The following MTMR4 variants were observed in gnomAD, a reference collection of about 807,000 sequenced individuals.
MTMR4 encodes the protein myotubularin related protein 4.
In MTMR4, 30 loss-of-function variants were observed where a neutral mutation model predicts 125.5. The observed-to-expected ratio is 0.24, with a 90% CI of 0.18 to 0.32. The LOEUF (loss-of-function observed/expected upper bound fraction) is 0.32, where lower values mean the gene tolerates loss of function less well. Among genes scored for constraint, MTMR4 ranks in the 10% least tolerant of loss-of-function variants. MTMR4 has a pLI of 1.00. For missense variants in MTMR4, 1,039 were observed against 1,511.5 expected (o/e 0.69, Z 5.18); for synonymous variants, 498 against 564.5 (o/e 0.88, Z 1.67).
At chr17:58,493,516 C>A (rs1356834921) in intron 15 of MTMR4, among the ~76,000 whole-genome samples, 1 of 152,192 alleles carries the variant, frequency 6.6e-6, no homozygotes, top group East Asian at 1.9e-4. Flanking sequence ...CCATGTCCAG[C>A]TAATTTTTTG....
In MTMR4 at chr17:58,496,280, C is replaced by T. The variant is rs61740436; in HGVS notation, c.1904G>A (p.Ser635Asn). The change falls in exon 15 of 18, where the codon AGC becomes AAC. Residue 635 changes from serine to asparagine, a missense_variant. Around this residue, in one of 6 missense-constraint regions of MTMR4, gnomAD observed 619 missense variants for 714.5 expected, o/e 0.87. Transcript: ENST00000682306. Reference protein sequence around the residue: ...MDDLLSACDTSSPLTRTSSDP... With the variant: ...MDDLLSACDTNSPLTRTSSDP... The stretch of plus-strand genomic sequence containing the variant: ...ACTGGATGTACGAGTCAGGGGGCTG[C>T]TTGTGTCACAGGCAGAAAGAAGATC... The T allele has an allele frequency of 1.8e-4, 293 of 1,613,220 alleles. 1 individual carries two copies. The African/African-American group carries it at 3.2e-3, about 18-fold the overall frequency.
At chr17:58,509,610 G>A (rs1975873043) in intron 4 of MTMR4, among the ~76,000 whole-genome samples, 1 of 151,578 alleles carries the variant, frequency 6.6e-6, no homozygotes, top group African/African-American at 2.4e-5. Context: ...CATAGAGACA[G>A]GGTCTCTCTA....
intron 9 of MTMR4, among the ~76,000 whole-genome samples, chr17:58,506,116 T>C (rs1472436952): frequency 6.6e-6 from 1 of 152,238 alleles, no homozygotes; most frequent in African/African-American, 2.4e-5. Flanking sequence ...TAGCAGTACT[T>C]AGAAAGACAA....
chr17:58,494,988 T>C lies in MTMR4; in HGVS notation c.3196A>G (p.Ile1066Val). The stretch of plus-strand genomic sequence containing the variant: ...GCTGGAGGGGCACAGCAGTGACGGA[T>C]GTCCAGCCTCATCTGAAGCTCACGC... ...QVRELQMRLD[I>V]RHCCAPPAEP... The change falls in exon 15 of 18, where the codon ATC becomes GTC. Residue 1066 changes from isoleucine (I) to valine (V), a missense_variant. Ile to Val is a conservative substitution (Grantham distance 29, BLOSUM62 3). Around this residue, in one of 6 missense-constraint regions of MTMR4, gnomAD observed 619 missense variants for 714.5 expected, o/e 0.87. Transcript: ENST00000682306. 3 of 1,614,216 alleles carry C rather than the reference T, an allele frequency of 1.9e-6. No homozygotes were observed. Among genetic ancestry groups the C allele is most frequent in the Non-Finnish European group, 2.5e-6 (3 of 1,180,032 alleles).
Position 58,495,920 on chromosome 17 carries a change from A to C in MTMR4, c.2264T>G (p.Leu755Arg). ...PAPDPSAQDE[L>R]GRTLDGIGEP... is the part of the protein sequence containing the mutation. The stretch of plus-strand genomic sequence containing the variant: ...CCCTATGCCATCTAAAGTCCTACCC[A>C]GCTCATCCTGGGCAGAAGGGTCTGG... Residue 755 changes from leucine to arginine, a missense_variant, in exon 15 of 18, where the codon CTG becomes CGG. Transcript: ENST00000682306. 6.2e-7 allele frequency: 1 copy of C among 1,614,158 alleles called. No homozygotes were observed. The highest frequency in any genetic ancestry group is 8.5e-7 in the Non-Finnish European group (1 of 1,180,022).
Position 58,495,946 on chromosome 17 carries a change from A to G in MTMR4, c.2238T>C (p.Ala746=). ...IKVLEETKGP[A]PDPSAQDELG... ...GCTCATCCTGGGCAGAAGGGTCTGG[A>G]GCTGGTCCCTTAGTCTCTTCTAGGA... Residue 746 remains alanine, a synonymous_variant, in exon 15 of 18, where the codon GCT becomes GCC. Transcript: ENST00000682306. 6.2e-7 allele frequency: 1 copy of G among 1,614,176 alleles called. No homozygotes were observed. The highest frequency in any genetic ancestry group is 2.2e-5 in the East Asian group (1 of 44,890).
At chr17:58,514,928 A>G (rs1456140255), upstream of MTMR4, 1 of 827,472 alleles carries the variant, frequency 1.2e-6, no homozygotes, top group Non-Finnish European at 1.4e-6. Flanking sequence ...TCTGGATCCC[A>G]AGGTGGAGCT....
chr17:58,507,580 C>A (rs1975810534), intron 7 of MTMR4, among the ~76,000 whole-genome samples: 1 of 152,208 alleles, frequency 6.6e-6, no homozygotes, highest in Non-Finnish European at 1.5e-5. Flanking sequence ...GGTACAGACA[C>A]CCAGCAGGAG....
At chr17:58,509,438 G>T (rs1453282396) in intron 4 of MTMR4, among the ~76,000 whole-genome samples, 1 of 148,020 alleles carries the variant, frequency 6.8e-6, no homozygotes, top group African/African-American at 2.5e-5. Flanking sequence ...TTTGAGAGAG[G>T]GTCTTGCTCT....
chr17:58,500,074 A>C (rs908027278), intron 14 of MTMR4, among the ~76,000 whole-genome samples: 1 of 152,214 alleles, frequency 6.6e-6, no homozygotes, highest in Non-Finnish European at 1.5e-5. Context: ...TGAGTAAAAC[A>C]GCCACCAAGT....
chr17:58,512,256 G>C lies in MTMR4; in HGVS notation c.252+134C>G. ...CCGCCTCGGCCTCCCAAAGTGCTGG[G>C]ATTACAGGCGTGAGCCACTGCGCCC... is the stretch of plus-strand genomic sequence containing the variant. On this transcript the variant is annotated intron_variant, in intron 3 of 17. Transcript: ENST00000682306. This position sits in a 1 kb window ranked among gnomAD's most constrained non-coding sequence, Gnocchi z 4.1. 1 of 730,698 alleles carries C rather than the reference G, an allele frequency of 1.4e-6. No homozygotes were observed. Among genetic ancestry groups the C allele is most frequent in the Non-Finnish European group, 2.4e-6 (1 of 419,308 alleles). The allele number at this position is 730,698 out of a possible 1,614,324, so 45.3% of individuals were successfully genotyped here. A position where few individuals can be genotyped will look rare whatever the true frequency, so the allele number is the denominator to read the frequency against.
chr17:58,500,953 T>C (rs1481386916), intron 14 of MTMR4, among the ~76,000 whole-genome samples: 1 of 152,046 alleles, frequency 6.6e-6, no homozygotes, highest in Non-Finnish European at 1.5e-5. Flanking sequence ...AATGAAATGA[T>C]TATTAAATGG....
rs1452134995 is a variant in MTMR4 at position 58,489,821 on chromosome 17, C to A, written c.*1842G>T. 1 of 152,582 alleles carries A rather than the reference C, an allele frequency of 6.6e-6. No individual in the cohort carries two copies. Among genetic ancestry groups the A allele is most frequent in the East Asian group, 1.9e-4 (1 of 5,206 alleles). The allele number at this position is 152,582 out of a possible 1,614,324, so 9.5% of individuals were successfully genotyped here. ...CAATCTTACTCCCCTTGAAAACAGG[C>A]AGAGTGAAGTGCAATGAAAGACAAG... is the stretch of plus-strand genomic sequence containing the variant. On this transcript the variant is annotated 3_prime_UTR_variant, in exon 18 of 18. Coordinates refer to ENST00000682306, the MANE Select transcript of MTMR4 (RefSeq NM_001378067.1).
At chr17:58,505,661 A>C (rs753615276) in intron 9 of MTMR4, 78 bp from the exon 10 acceptor site, 109 of 941,478 alleles carry the variant, frequency 1.2e-4, no homozygotes, top group Non-Finnish European at 1.7e-4. Flanking sequence ...TAATCCCAGC[A>C]CTTTGGGAGG....
rs1343542001 is a variant in MTMR4, at chr17:58,490,526, G to A, written c.*1137C>T. 1.3e-5 allele frequency: 2 copies of A among 152,508 alleles called. No individual in the cohort carries two copies. Among genetic ancestry groups the A allele is most frequent in the Non-Finnish European group, 2.9e-5 (2 of 68,018 alleles). The allele number at this position is 152,508 out of a possible 1,614,324, so 9.4% of individuals were successfully genotyped here. On this transcript the variant is annotated 3_prime_UTR_variant, in exon 18 of 18. Transcript: ENST00000682306. Reference sequence around the variant, plus strand: ...TCAAGGCTTTATTCTCTTCTGTTTGGGTTCCATTGTTAAGTGCACAGAAAT... The same window carrying A: ...TCAAGGCTTTATTCTCTTCTGTTTGAGTTCCATTGTTAAGTGCACAGAAAT...
At chr17:58,509,327 C>T (rs527415066) in intron 4 of MTMR4, among the ~76,000 whole-genome samples, 15 of 151,672 alleles carry the variant, frequency 9.9e-5, no homozygotes, top group African/African-American at 2.9e-4. Context: ...TTCAGTCTCA[C>T]CTCTTCCTTG....
Position 58,508,111 on chromosome 17 carries a change from C to A in MTMR4, c.707+50G>T. On this transcript the variant is annotated intron_variant, in intron 7 of 17. Transcript: ENST00000682306. This position sits in a 1 kb window ranked among gnomAD's most constrained non-coding sequence, Gnocchi z 4.8. Reference sequence around the variant, plus strand: ...CCAAAATCTCCAATTTTGACTCTTTCCTTGTTGCATAAGAAATGGCCTCCC... The same window carrying A: ...CCAAAATCTCCAATTTTGACTCTTTACTTGTTGCATAAGAAATGGCCTCCC... 3 of 1,426,658 alleles carry A rather than the reference C, an allele frequency of 2.1e-6. No individual in the cohort carries two copies. Among genetic ancestry groups the A allele is most frequent in the Non-Finnish European group, 3.0e-6 (3 of 1,014,416 alleles). 88.4% of individuals were successfully genotyped at this position (1,426,658 alleles called of 1,614,324 possible).
chr17:58,506,692 A>G, intron 9 of MTMR4, 51 bp downstream of exon 9: 1 of 1,597,356 alleles, frequency 6.3e-7, no homozygotes, highest in Non-Finnish European at 8.5e-7. Flanking sequence ...CCTCCTCACC[A>G]AAGCCACCCA....
chr17:58,509,500 C>T (rs1022997405), intron 4 of MTMR4, among the ~76,000 whole-genome samples: 3 of 150,934 alleles, frequency 2.0e-5, no homozygotes, highest in African/African-American at 4.9e-5. Flanking sequence ...CTCCCTGCAG[C>T]CTCGACCTCC....
Sources: allele counts gnomAD v4.1 joint callset (sites outside exome capture counted in the v4.1 genomes callset), GRCh38; gene constraint gnomAD v4.1.1; regional missense constraint gnomAD v4.1.1; non-coding constraint Gnocchi (gnomAD v3.1); transcripts MANE v1.5; gene names NCBI Gene and HGNC (gene_info 2026-07-23, HGNC 2026-07-21).